The following TYRO3 variants were observed in gnomAD, a reference collection of about 807,000 sequenced individuals.
TYRO3 encodes the protein tyrosine-protein kinase receptor TYRO3.
Under a neutral mutation model 95.2 loss-of-function variants are expected in TYRO3, and 38 were observed. That is an observed-to-expected ratio of 0.40 (90% CI 0.31 to 0.52). The LOEUF (loss-of-function observed/expected upper bound fraction) is 0.52. Among genes scored for constraint, TYRO3 ranks in the 20% least tolerant of loss-of-function variants. The probability of loss-of-function intolerance (pLI) is 0.56; values close to 1 mark genes in which losing one functional copy is unlikely to be tolerated. For synonymous variants in TYRO3, 367 were observed against 432.9 expected (o/e 0.85, Z 1.89); for missense variants, 812 against 1,116.4 (o/e 0.73, Z 3.89).
rs2055783606 is a variant in TYRO3 at position 41,570,654 on chromosome 15, C to T, written c.1534C>T (p.Leu512Phe). 6.2e-7 allele frequency: 1 copy of T among 1,614,216 alleles called. No individual in the cohort carries two copies. Among genetic ancestry groups the T allele is most frequent in the Non-Finnish European group, 8.5e-7 (1 of 1,180,038 alleles). Residue 512 changes from leucine to phenylalanine, a missense_variant, in exon 12 of 19, where the codon CTC becomes TTC. Coordinates refer to ENST00000263798, the MANE Select transcript of TYRO3 (RefSeq NM_006293.4). The stretch of plus-strand genomic sequence containing the variant: ...ACTAAAGGAAAAACTGGAGGATGTG[C>T]TCATCCCAGAGCAGCAGTTCACCCT... ...DELKEKLEDV[L>F]IPEQQFTLGR...
Position 41,560,438 on chromosome 15 carries a change from C to T in TYRO3, c.125-689C>T, listed in dbSNP as rs938051029. ...GTGTGTGTGTGTGTGTGCGCGCGCGCGCGCGCGCTCGCACGCAAGTTCCAA... is the reference window on the plus strand; with the variant it reads ...GTGTGTGTGTGTGTGTGCGCGCGCGTGCGCGCGCTCGCACGCAAGTTCCAA... On this transcript the variant is annotated intron_variant, in intron 1 of 18. Coordinates refer to ENST00000263798, the MANE Select transcript of TYRO3 (RefSeq NM_006293.4). 8.1e-3 allele frequency among the ~76,000 whole-genome samples: 752 copies of T among 92,484 alleles called. 4 individuals carry two copies. The highest frequency in any genetic ancestry group is 0.025 in the African/African-American group (670 of 27,106). The allele number at this position is 92,484 out of a possible 152,430, so 60.7% of individuals were successfully genotyped here. A position where few individuals can be genotyped will look rare whatever the true frequency, so the allele number is the denominator to read the frequency against.
chr15:41,559,739 A>T (rs533671745), intron 1 of TYRO3, among the ~76,000 whole-genome samples: 2 of 152,168 alleles, frequency 1.3e-5, no homozygotes, highest in East Asian at 3.9e-4. Context: ...CCTGCCCCGC[A>T]CGCGAAGGTC....
chr15:41,571,525 C>A, intron 13 of TYRO3, 70 bp from the exon 14 acceptor site: 1 of 1,089,140 alleles, frequency 9.2e-7, no homozygotes, highest in Non-Finnish European at 1.4e-6. Context: ...AGGACAAGAC[C>A]TAGGAGGCCT....
At chr15:41,572,023 T>TAC (rs1264943629) in intron 14 of TYRO3, among the ~76,000 whole-genome samples, 17 of 149,650 alleles carry the variant, frequency 1.1e-4, no homozygotes, top group South Asian at 4.2e-4. Context: ...ACAAAAAACA[T>TAC]ACACACACAC....
At chr15:41,575,313 A>G (rs1349135578) in intron 18 of TYRO3, among the ~76,000 whole-genome samples, 1 of 152,214 alleles carries the variant, frequency 6.6e-6, no homozygotes, top group Non-Finnish European at 1.5e-5. Context: ...CAGGAAGCTC[A>G]CATCTCCCTG....
Position 41,567,412 on chromosome 15 carries a change from C to T in TYRO3, c.836C>T (p.Pro279Leu), listed in dbSNP as rs2055737856. The part of the protein sequence containing the change: ...WEVLAVVVPV[P>L]PFTCLLRDLV... ...GTCCTGGCTGTTGTGGTCCCTGTGC[C>T]CCCCTTTACCTGCCTGCTCCGGGAC... Residue 279 changes from proline (P) to leucine (L), a missense_variant, in exon 7 of 19, where the codon CCC becomes CTC. Transcript: ENST00000263798. The T allele has an allele frequency of 2.5e-6, 4 of 1,608,266 alleles. No homozygotes were observed. Among genetic ancestry groups the T allele is most frequent in the Non-Finnish European group, 3.4e-6 (4 of 1,178,044 alleles).
chr15:41,572,716 T>C (rs2055812986), intron 15 of TYRO3, 152 bp downstream of exon 15: 5 of 1,061,676 alleles, frequency 4.7e-6, no homozygotes, highest in Non-Finnish European at 6.7e-6. Flanking sequence ...CCTTTTAATC[T>C]AGCAGGCTTT....
chr15:41,570,896 C>T, intron 12 of TYRO3, 142 bp from the exon 13 acceptor site: 1 of 996,894 alleles, frequency 1.0e-6, no homozygotes, highest in Non-Finnish European at 1.6e-6. Context: ...CCAGCATGCT[C>T]TTGCTTTGGC....
At chr15:41,565,614 G>C (rs1485299105) in intron 6 of TYRO3, among the ~76,000 whole-genome samples, 1 of 143,484 alleles carries the variant, frequency 7.0e-6, no homozygotes, top group South Asian at 2.2e-4. Flanking sequence ...TTTTAGTAGA[G>C]ACTAGTAGTT....
intron 1 of TYRO3, among the ~76,000 whole-genome samples, chr15:41,560,094 C>A (rs945282552): frequency 6.6e-6 from 1 of 152,160 alleles, no homozygotes; most frequent in African/African-American, 2.4e-5. Flanking sequence ...TGTGACTGGT[C>A]CTGAGAGGGT....
Position 41,571,022 on chromosome 15 carries a change from T to G in TYRO3, c.1580-16T>G, listed in dbSNP as rs2055788724. The G allele has an allele frequency of 2.2e-6, 3 of 1,365,150 alleles. No individual in the cohort carries two copies. Among genetic ancestry groups the G allele is most frequent in the Middle Eastern group, 1.9e-4 (1 of 5,372 alleles). 84.6% of individuals were successfully genotyped at this position (1,365,150 alleles called of 1,614,324 possible). ...GAGAGCCAAGGAGACTCTCCCTTAC[T>G]TGGATTGGTTCCTAGGAGAGTTTGG... On this transcript the variant is annotated splice_polypyrimidine_tract_variant and intron_variant, in intron 12 of 18. Transcript: ENST00000263798.
intron 5 of TYRO3, 62 bp from the exon 6 acceptor site, chr15:41,564,964 A>G (rs2055703204): frequency 1.7e-6 from 2 of 1,144,104 alleles, no homozygotes; most frequent in Non-Finnish European, 2.6e-6. Flanking sequence ...CTTGACTCCC[A>G]TGCCTCCTGC....
intron 5 of TYRO3, 71 bp from the exon 6 acceptor site, chr15:41,564,955 T>C: frequency 9.7e-7 from 1 of 1,031,192 alleles, no homozygotes; most frequent in Non-Finnish European, 1.5e-6. Flanking sequence ...GACTCAAGGC[T>C]TGACTCCCAT....
rs1387610752 is a variant in TYRO3, at chr15:41,580,889, C to T, written c.*2613C>T. On this transcript the variant is annotated 3_prime_UTR_variant, in exon 19 of 19. Coordinates refer to ENST00000263798, the MANE Select transcript of TYRO3 (RefSeq NM_006293.4). Reference sequence around the variant, plus strand: ...TCAAGTGATCTGCCTGCCTTAGCCTCCCAAAGTGCTGTGATAACAGGGGTG... The same window carrying T: ...TCAAGTGATCTGCCTGCCTTAGCCTTCCAAAGTGCTGTGATAACAGGGGTG... The T allele has an allele frequency of 3.9e-5, 6 of 152,164 alleles. No individual in the cohort carries two copies. The highest frequency in any genetic ancestry group is 1.4e-4 in the African/African-American group (6 of 41,442). The allele number at this position is 152,164 out of a possible 1,614,324, so 9.4% of individuals were successfully genotyped here. A position where few individuals can be genotyped will look rare whatever the true frequency, so the allele number is the denominator to read the frequency against.
intron 6 of TYRO3, among the ~76,000 whole-genome samples, chr15:41,565,431 G>A (rs1249765115): frequency 6.6e-6 from 1 of 150,796 alleles, no homozygotes; most frequent in Non-Finnish European, 1.5e-5. Flanking sequence ...TTTTTTTTGA[G>A]ACAGGGTCTC....
intron 14 of TYRO3, among the ~76,000 whole-genome samples, chr15:41,572,125 C>T (rs575295523): frequency 1.8e-4 from 28 of 152,082 alleles, no homozygotes; most frequent in Non-Finnish European, 3.5e-4. Flanking sequence ...GAGCCCAGAA[C>T]ATTGAGGCTG....
Position 41,573,708 on chromosome 15 carries a change from C to G in TYRO3, c.2175C>G (p.Ile725Met), listed in dbSNP as rs2055828212. 3 of 1,614,258 alleles carry G rather than the reference C, an allele frequency of 1.9e-6. No individual in the cohort carries two copies. Among genetic ancestry groups the G allele is most frequent in the Non-Finnish European group, 2.5e-6 (3 of 1,180,052 alleles). The change falls in exon 18 of 19, where the codon ATC (isoleucine) becomes ATG (methionine). Residue 725 changes from isoleucine to methionine, a missense_variant. Transcript: ENST00000263798. ...VWAFGVTMWE[I>M]MTRGQTPYAG... ...CGTTCGGGGTGACCATGTGGGAGAT[C>G]ATGACACGTGGGCAGACGCCATATG...
At chr15:41,570,808 GA>G in intron 12 of TYRO3, 109 bp downstream of exon 12, 1 of 1,114,548 alleles carries the variant, frequency 9.0e-7, no homozygotes, top group South Asian at 1.3e-5. Context: ...CCGTAAACAA[GA>G]TATGCTTGTA....
intron 18 of TYRO3, among the ~76,000 whole-genome samples, chr15:41,576,608 C>T (rs1365647266): frequency 6.8e-6 from 1 of 147,342 alleles, no homozygotes; most frequent in African/African-American, 2.5e-5. Flanking sequence ...GGATTACAGG[C>T]ATGAGCTACT....
Sources: allele counts gnomAD v4.1 joint callset (sites outside exome capture counted in the v4.1 genomes callset), GRCh38; gene constraint gnomAD v4.1.1; transcripts MANE v1.5; gene names NCBI Gene and HGNC (gene_info 2026-07-23, HGNC 2026-07-21).